The following AGBL1 variants were observed in gnomAD, a reference collection of about 807,000 sequenced individuals.
AGBL1 encodes AGBL carboxypeptidase 1, also known as cytosolic carboxypeptidase 4.
A neutral mutation model predicts 118.9 loss-of-function variants in AGBL1; 130 were observed. The ratio of observed to expected loss-of-function variants is 1.09; its 90% CI spans 0.95 to 1.26. AGBL1 has a LOEUF of 1.26. Among genes scored for constraint, AGBL1 ranks in the 50% most tolerant of loss-of-function variants. The probability of loss-of-function intolerance (pLI) is 0.00; values close to 1 mark genes in which losing one functional copy is unlikely to be tolerated. For synonymous variants in AGBL1, 555 were observed against 478.9 expected, an observed-to-expected ratio of 1.16 and a Z score of -2.08; for missense variants, 1,584 against 1,298.1, an observed-to-expected ratio of 1.22 and a Z score of -3.38.
chr15:86,651,634 G>A (rs1027627072), intron 21 of AGBL1, among the ~76,000 whole-genome samples: 6 of 152,228 alleles, frequency 3.9e-5, no homozygotes, highest in East Asian at 3.9e-4. Context: ...AGTAAATGAC[G>A]GTGTTCCTGT....
intron 6 of AGBL1, among the ~76,000 whole-genome samples, chr15:86,227,406 G>A (rs922199080): frequency 6.6e-6 from 1 of 152,204 alleles, no homozygotes; most frequent in Non-Finnish European, 1.5e-5. Context: ...TGTGTATCAG[G>A]GTTTCTCAAT....
intron 5 of AGBL1, among the ~76,000 whole-genome samples, chr15:86,180,046 A>G (rs2077531633): frequency 7.4e-6 from 1 of 134,752 alleles, no homozygotes; most frequent in African/African-American, 2.4e-5. Flanking sequence ...AACAAATGAA[A>G]GAAGACATAA....
intron 22 of AGBL1, among the ~76,000 whole-genome samples, chr15:86,775,588 TG>T (rs1295992922): frequency 6.6e-6 from 1 of 152,132 alleles, no homozygotes; most frequent in Non-Finnish European, 1.5e-5. Context: ...GGCTAGTTTC[TG>T]GGTGGCTAAC....
In AGBL1 at chr15:86,262,333, G is replaced by A. The variant is rs532569161; in HGVS notation, c.970-445G>A. 1.5e-3 allele frequency among the ~76,000 whole-genome samples: 233 copies of A among 152,040 alleles called. 5 individuals carry two copies. The South Asian group carries it at 0.045, about 29-fold the overall frequency. ...GATGTTTGTCTGTTCCATTGTGACC[G>A]AAACTTCAGTACCGGGAAGAGTACC... On this transcript the variant is annotated intron_variant, in intron 9 of 22. Transcript: ENST00000614907.
intron 22 of AGBL1, among the ~76,000 whole-genome samples, chr15:86,771,991 G>T (rs1286409685): frequency 6.6e-6 from 1 of 151,946 alleles, no homozygotes; most frequent in Non-Finnish European, 1.5e-5. Context: ...CCTGAGAGGG[G>T]CAGAATGTAC....
chr15:86,280,537 T>A (rs146292379), intron 16 of AGBL1, among the ~76,000 whole-genome samples: 8 of 152,342 alleles, frequency 5.3e-5, no homozygotes, highest in African/African-American at 1.9e-4. Context: ...TTCGTGGATA[T>A]CCTGAGGATA....
intron 22 of AGBL1, among the ~76,000 whole-genome samples, chr15:86,692,147 CA>C (rs1037606914): frequency 1.3e-5 from 2 of 151,818 alleles, no homozygotes; most frequent in African/African-American, 4.8e-5. Flanking sequence ...CACTGCACTC[CA>C]GCCTGGGTGA....
chr15:86,619,195 C>A (rs758799880), intron 21 of AGBL1, among the ~76,000 whole-genome samples: 1 of 152,048 alleles, frequency 6.6e-6, no homozygotes, highest in Non-Finnish European at 1.5e-5. Flanking sequence ...TCAATTATAA[C>A]GTCAAGCATA....
chr15:86,829,882 C>A (rs190224453), intron 22 of AGBL1, among the ~76,000 whole-genome samples: 1 of 152,106 alleles, frequency 6.6e-6, no homozygotes, highest in African/African-American at 2.4e-5. Flanking sequence ...ATTGCAGAAT[C>A]TTTAGCACCC....
intron 23 of AGBL1, among the ~76,000 whole-genome samples, chr15:86,944,536 C>T (rs549179951): frequency 6.6e-6 from 1 of 152,216 alleles, no homozygotes; most frequent in African/African-American, 2.4e-5. Flanking sequence ...TTCGACTGGA[C>T]ATCGCTTTGC....
chr15:86,737,616 G>A (rs1279077731), intron 22 of AGBL1, among the ~76,000 whole-genome samples: 2 of 152,064 alleles, frequency 1.3e-5, no homozygotes, highest in Non-Finnish European at 2.9e-5. Flanking sequence ...CCTACGTAGG[G>A]TATGTTTCAG....
At chr15:86,557,768 A>G (rs949780467) in intron 21 of AGBL1, among the ~76,000 whole-genome samples, 3 of 152,218 alleles carry the variant, frequency 2.0e-5, no homozygotes, top group African/African-American at 7.2e-5. Flanking sequence ...AATGCTTAGT[A>G]TAGTATAAAG....
chr15:86,575,443 T>C (rs1470380747), intron 21 of AGBL1, among the ~76,000 whole-genome samples: 2 of 151,798 alleles, frequency 1.3e-5, no homozygotes, highest in Non-Finnish European at 2.9e-5. Flanking sequence ...GAGGCTGCAG[T>C]GAGCCATGTT....
intron 21 of AGBL1, among the ~76,000 whole-genome samples, chr15:86,570,076 G>A (rs2083981210): frequency 6.6e-6 from 1 of 151,850 alleles, no homozygotes; most frequent in East Asian, 1.9e-4. Flanking sequence ...TAGGGAAAAA[G>A]GATTGACTCA....
At chr15:86,279,549 C>G (rs2079313108) in intron 15 of AGBL1, 90 bp from the exon 16 acceptor site, 3 of 1,309,476 alleles carry the variant, frequency 2.3e-6, no homozygotes, top group Admixed American at 2.0e-5. Flanking sequence ...ATATAACGCA[C>G]AAGATTTATA....
At chr15:86,883,166 A>C (rs1390268825) in intron 22 of AGBL1, among the ~76,000 whole-genome samples, 1 of 152,244 alleles carries the variant, frequency 6.6e-6, no homozygotes, top group Non-Finnish European at 1.5e-5. Flanking sequence ...TTTAAATTAA[A>C]CAGCTAATTT....
At chr15:86,691,822 T>C (rs2086177485) in intron 22 of AGBL1, among the ~76,000 whole-genome samples, 1 of 152,158 alleles carries the variant, frequency 6.6e-6, no homozygotes, top group Non-Finnish European at 1.5e-5. Context: ...ATCCAACTTA[T>C]CTTTTCTACA....
intron 22 of AGBL1, among the ~76,000 whole-genome samples, chr15:86,784,769 A>G (rs1480662402): frequency 6.6e-6 from 1 of 152,150 alleles, no homozygotes. Context: ...CTAAAATACA[A>G]TAGTGCTCAG....
chr15:86,516,519 G>A (rs1205228231), intron 18 of AGBL1, among the ~76,000 whole-genome samples: 1 of 152,194 alleles, frequency 6.6e-6, no homozygotes, highest in East Asian at 1.9e-4. Flanking sequence ...GAATTAACTG[G>A]CTGGGTGCGG....
Sources: gnomAD v4.1 joint callset for allele counts (sites outside exome capture counted in the v4.1 genomes callset) on GRCh38, gnomAD v4.1.1 for gene constraint, MANE v1.5 for transcripts, NCBI Gene and HGNC (gene_info 2026-07-23, HGNC 2026-07-21) for gene names.